TAB2: variants seen among roughly 807,000 people sequenced by gnomAD.
The protein encoded by TAB2 is TGF-beta-activated kinase 1 and MAP3K7-binding protein 2.
TAB2 carries 3 observed loss-of-function variants against 65.0 expected under a neutral mutation model. The observed-to-expected ratio is 0.05, with a 90% CI of 0.02 to 0.12. The LOEUF is 0.12. TAB2 is among the 10% of genes least tolerant of loss of function. TAB2 has a pLI of 1.00. For synonymous variants in TAB2, 298 were observed against 285.1 expected (o/e 1.05, Z -0.46); for missense variants, 623 against 840.3 (o/e 0.74, Z 3.20).
At chr6:149,382,352 C>T (rs1335415121) in intron 3 of TAB2, among the ~76,000 whole-genome samples, 1 of 152,198 alleles carries the variant, frequency 6.6e-6, no homozygotes, top group Non-Finnish European at 1.5e-5. Flanking sequence ...AGTCCCAGCA[C>T]TTTGGGAGGC....
At chr6:149,387,312 T>C (rs1366334614) in intron 3 of TAB2, among the ~76,000 whole-genome samples, 1 of 152,212 alleles carries the variant, frequency 6.6e-6, no homozygotes, top group African/African-American at 2.4e-5. Flanking sequence ...AGAATCCAAC[T>C]TCATTCTTTT....
intron 1 of TAB2, among the ~76,000 whole-genome samples, chr6:149,251,093 T>G (rs919054286): frequency 2.6e-5 from 4 of 152,142 alleles, no homozygotes; most frequent in Non-Finnish European, 4.4e-5. Flanking sequence ...TCGCTGTGAG[T>G]CAGTTGTTTG....
intron 1 of TAB2, among the ~76,000 whole-genome samples, chr6:149,265,462 T>C (rs969602709): frequency 3.9e-5 from 6 of 152,242 alleles, no homozygotes; most frequent in Admixed American, 1.3e-4. Context: ...ACATTTCATA[T>C]CCACAGGAAT....
intron 3 of TAB2, among the ~76,000 whole-genome samples, chr6:149,381,892 A>T (rs1214417622): frequency 2.0e-5 from 3 of 151,866 alleles, no homozygotes; most frequent in Non-Finnish European, 4.4e-5. Context: ...TACTTCCCCC[A>T]TCATCACTAC....
At chr6:149,368,638 C>A (rs745901851) in intron 1 of TAB2, among the ~76,000 whole-genome samples, 3 of 125,618 alleles carry the variant, frequency 2.4e-5, no homozygotes, top group African/African-American at 9.4e-5. Context: ...CTTTTGAATG[C>A]GAAAATTTGT....
chr6:149,339,549 T>G (rs1056988112), intron 1 of TAB2, among the ~76,000 whole-genome samples: 2 of 151,994 alleles, frequency 1.3e-5, no homozygotes, highest in African/African-American at 4.8e-5. Flanking sequence ...TAAGTGTTTT[T>G]TAACAGGAAA....
At chr6:149,222,219 G>A (rs1478476833) in intron 1 of TAB2, among the ~76,000 whole-genome samples, 1 of 152,136 alleles carries the variant, frequency 6.6e-6, no homozygotes, top group Non-Finnish European at 1.5e-5. Flanking sequence ...AGGCCTTCCA[G>A]TTTGGACTGG....
intron 1 of TAB2, among the ~76,000 whole-genome samples, chr6:149,354,161 C>A (rs1780580157): frequency 6.6e-6 from 1 of 152,144 alleles, no homozygotes; most frequent in Admixed American, 6.5e-5. Context: ...TGTAATCATG[C>A]CCTTTGAACA....
At chr6:149,297,268 T>C (rs531486) in intron 1 of TAB2, among the ~76,000 whole-genome samples, 125,680 of 152,214 alleles carry the variant, frequency 0.83, 52,691 homozygotes, top group East Asian at 1. Context: ...AATATTGATA[T>C]AATGCCATTA....
At chr6:149,291,957 T>C (rs1197056032) in intron 1 of TAB2, among the ~76,000 whole-genome samples, 1 of 152,218 alleles carries the variant, frequency 6.6e-6, no homozygotes, top group Non-Finnish European at 1.5e-5. Flanking sequence ...GTCATATAAA[T>C]AGTAGAAGAC....
chr6:149,388,952 A>G (rs1231335700), intron 3 of TAB2, among the ~76,000 whole-genome samples: 2 of 139,220 alleles, frequency 1.4e-5, no homozygotes, highest in Non-Finnish European at 3.0e-5. Context: ...AATAACAGAA[A>G]TCTTTTTTTT....
chr6:149,379,032 C>T lies in TAB2; in HGVS notation c.1117C>T (p.Pro373Ser), dbSNP rs1287818981. The change falls in exon 3 of 7, where the codon CCC becomes TCC. Residue 373 changes from proline (P) to serine (S), a missense_variant. By Grantham distance (74) the Pro-to-Ser change is moderately conservative. Around this residue, in one of 3 missense-constraint regions of TAB2, gnomAD observed 550 missense variants for 665.7 expected, o/e 0.83. Coordinates refer to ENST00000637181, the MANE Select transcript of TAB2 (RefSeq NM_001292034.3). ...GCCCACTGTTTACATAGCTGCCAGC[C>T]CCCCAAATACGGATGAGCTGATGTC... ...NQPTVYIAASPPNTDELMSRS... is the reference protein window; with the variant it reads ...NQPTVYIAASSPNTDELMSRS... 5.6e-6 allele frequency: 9 copies of T among 1,614,150 alleles called. No homozygotes were observed. In the East Asian group the frequency reaches 8.9e-5, roughly 16 times the overall value.
At chr6:149,219,490 A>G (rs1777095920) in intron 1 of TAB2, among the ~76,000 whole-genome samples, 1 of 152,204 alleles carries the variant, frequency 6.6e-6, no homozygotes, top group Non-Finnish European at 1.5e-5. Flanking sequence ...GGCCTTATTG[A>G]GATACCAACT....
At chr6:149,343,997 T>A (rs1780210782) in intron 1 of TAB2, among the ~76,000 whole-genome samples, 1 of 152,236 alleles carries the variant, frequency 6.6e-6, no homozygotes, top group Admixed American at 6.5e-5. Flanking sequence ...AGCATGTGCT[T>A]AACTCCTTCC....
At chr6:149,268,248 A>C (rs1359796209) in intron 1 of TAB2, among the ~76,000 whole-genome samples, 4 of 152,184 alleles carry the variant, frequency 2.6e-5, no homozygotes, top group Non-Finnish European at 4.4e-5. Context: ...TTAGCTCCGC[A>C]TCACGGTCCA....
At chr6:149,400,252 GA>G (rs1782327421) in intron 6 of TAB2, 1 of 900,968 alleles carries the variant, frequency 1.1e-6, no homozygotes, top group Non-Finnish European at 1.6e-6. Flanking sequence ...GGAGGGGAGG[GA>G]GCCCAGGATG....
chr6:149,292,235 C>G, intron 1 of TAB2, among the ~76,000 whole-genome samples: 1 of 152,112 alleles, frequency 6.6e-6, no homozygotes, highest in East Asian at 1.9e-4. Context: ...TAGTACAATG[C>G]TCTGTAAAGA....
chr6:149,233,108 A>G (rs1337395785), intron 1 of TAB2, among the ~76,000 whole-genome samples: 2 of 152,184 alleles, frequency 1.3e-5, no homozygotes, highest in Non-Finnish European at 2.9e-5. Flanking sequence ...CGGAAGATGG[A>G]GGTAGCCAGG....
At chr6:149,391,493 A>G (rs181333847) in intron 3 of TAB2, among the ~76,000 whole-genome samples, 264 of 145,864 alleles carry the variant, frequency 1.8e-3, no homozygotes, top group African/African-American at 6.2e-3. Flanking sequence ...CTTTCTATCT[A>G]TTTCTCGTTA....
Sources: allele counts gnomAD v4.1 joint callset (sites outside exome capture counted in the v4.1 genomes callset), GRCh38; gene constraint gnomAD v4.1.1; regional missense constraint gnomAD v4.1.1; transcripts MANE v1.5; gene names NCBI Gene and HGNC (gene_info 2026-07-23, HGNC 2026-07-21).